Variants in KCNQ3 observed in about 807,000 individuals in gnomAD.
The protein encoded by KCNQ3 is potassium voltage-gated channel subfamily KQT member 3.
A neutral mutation model predicts 92.5 loss-of-function variants in KCNQ3; 30 were observed. The ratio of observed to expected loss-of-function variants is 0.32; its 90% CI spans 0.24 to 0.44. The LOEUF (loss-of-function observed/expected upper bound fraction) is 0.44. Ranked by LOEUF, KCNQ3 falls within the 20% of genes least tolerant of loss-of-function variation. The pLI, the probability that KCNQ3 is intolerant of heterozygous loss-of-function variation, is 1.00. For missense variants in KCNQ3, 913 were observed against 1,140.3 expected, an observed-to-expected ratio of 0.80 and a Z score of 2.87; for synonymous variants, 450 against 468.8, an observed-to-expected ratio of 0.96 and a Z score of 0.52.
At chr8:132,343,483 C>T (rs528674491) in intron 1 of KCNQ3, among the ~76,000 whole-genome samples, 30 of 152,246 alleles carry the variant, frequency 2.0e-4, no homozygotes, top group South Asian at 6.2e-4. Flanking sequence ...TTGAATTTGA[C>T]GTGTATACCC....
intron 4 of KCNQ3, among the ~76,000 whole-genome samples, chr8:132,179,722 C>T (rs566029083): frequency 7.9e-5 from 12 of 152,270 alleles, no homozygotes; most frequent in South Asian, 6.2e-4. Flanking sequence ...AAATTCCCAA[C>T]GTCACAGAGG....
At chr8:132,225,269 C>T (rs7015478) in intron 1 of KCNQ3, among the ~76,000 whole-genome samples, 3,288 of 152,230 alleles carry the variant, frequency 0.022, 54 homozygotes, top group Non-Finnish European at 0.031. Context: ...AGTTCCTGCT[C>T]AAAGGTAGAG....
At chr8:132,312,141 C>T (rs1817611947) in intron 1 of KCNQ3, among the ~76,000 whole-genome samples, 1 of 152,150 alleles carries the variant, frequency 6.6e-6, no homozygotes, top group Non-Finnish European at 1.5e-5. Context: ...TCTGCTGACA[C>T]TTTGATTTCA....
rs1001726465 is a variant in KCNQ3, at chr8:132,175,362, C to T, written c.933+91G>A. 4 of 1,426,616 alleles carry T rather than the reference C, an allele frequency of 2.8e-6. No individual in the cohort carries two copies. In the African/African-American group the frequency reaches 5.6e-5, roughly 20 times the overall value. 88.4% of individuals were successfully genotyped at this position (1,426,616 alleles called of 1,614,324 possible). A position where few individuals can be genotyped will look rare whatever the true frequency, so the allele number is the denominator to read the frequency against. On this transcript the variant is annotated intron_variant, in intron 5 of 14. Transcript: ENST00000388996. ...TACCTCTGACTGCAGAATGCAGCTG[C>T]CTGGCTGAACATGCTCATGTGATGC... is the stretch of plus-strand genomic sequence containing the variant.
chr8:132,329,245 G>A (rs373660688), intron 1 of KCNQ3, among the ~76,000 whole-genome samples: 4 of 152,128 alleles, frequency 2.6e-5, no homozygotes, highest in East Asian at 3.9e-4. Flanking sequence ...AAAATGGCAC[G>A]CCTTCCTCCT....
rs201689753 is a variant in KCNQ3, at chr8:132,434,228, T to A, written c.386+45919A>T. ...GTCTCAAAAAAAAAAAAAAAAAAAA[T>A]AATAATAATAATAAACAAATATTTC... On this transcript the variant is annotated intron_variant, in intron 1 of 14. Coordinates refer to ENST00000388996, the MANE Select transcript of KCNQ3 (RefSeq NM_004519.4). 1.2e-3 allele frequency among the ~76,000 whole-genome samples: 177 copies of A among 144,208 alleles called. 2 individuals carry two copies. The East Asian group carries it at 0.018, about 14-fold the overall frequency. The allele number at this position is 144,208 out of a possible 152,430, so 94.6% of individuals were successfully genotyped here.
At chr8:132,220,065 T>C (rs916982621) in intron 1 of KCNQ3, among the ~76,000 whole-genome samples, 6 of 152,196 alleles carry the variant, frequency 3.9e-5, no homozygotes, top group Non-Finnish European at 8.8e-5. Flanking sequence ...ATTCTTTCTA[T>C]TTTTTCATCT....
At chr8:132,480,044 C>T in intron 1 of KCNQ3, 103 bp downstream of exon 1, 1 of 1,146,850 alleles carries the variant, frequency 8.7e-7, no homozygotes, top group Non-Finnish European at 1.2e-6. Context: ...AGCGGGAAAG[C>T]ATCCATGGGT....
chr8:132,322,898 C>T (rs1817932348), intron 1 of KCNQ3, among the ~76,000 whole-genome samples: 1 of 152,174 alleles, frequency 6.6e-6, no homozygotes, highest in Non-Finnish European at 1.5e-5. Context: ...ATTACATTTC[C>T]CCATGCAGCC....
intron 1 of KCNQ3, among the ~76,000 whole-genome samples, chr8:132,251,262 GA>G: frequency 6.6e-6 from 1 of 151,566 alleles, no homozygotes; most frequent in African/African-American, 2.4e-5. Flanking sequence ...GTGAGACTCT[GA>G]AGAAAAAAAA....
chr8:132,414,714 G>C (rs1012580812), intron 1 of KCNQ3, among the ~76,000 whole-genome samples: 1 of 152,188 alleles, frequency 6.6e-6, no homozygotes, highest in Non-Finnish European at 1.5e-5. Context: ...CCTTTTAGGA[G>C]AAACAAAAGC....
chr8:132,274,662 C>T (rs1000892385), intron 1 of KCNQ3, among the ~76,000 whole-genome samples: 1 of 152,134 alleles, frequency 6.6e-6, no homozygotes, highest in Non-Finnish European at 1.5e-5. Flanking sequence ...GTGACACATG[C>T]CAGGCTAGGG....
At chr8:132,171,494 C>T (rs1006359732) in intron 7 of KCNQ3, among the ~76,000 whole-genome samples, 2 of 152,178 alleles carry the variant, frequency 1.3e-5, no homozygotes, top group African/African-American at 4.8e-5. Context: ...AACACTTCTG[C>T]CTCTCTCATC....
chr8:132,229,032 G>A (rs1814535687), intron 1 of KCNQ3, among the ~76,000 whole-genome samples: 1 of 152,148 alleles, frequency 6.6e-6, no homozygotes, highest in East Asian at 1.9e-4. Flanking sequence ...AAGGCAGATG[G>A]ATCACGAGGT....
At chr8:132,256,021 TTGTC>T (rs1367933164) in intron 1 of KCNQ3, among the ~76,000 whole-genome samples, 1 of 151,770 alleles carries the variant, frequency 6.6e-6, no homozygotes, top group Non-Finnish European at 1.5e-5. Context: ...TCAAAAAAAA[TTGTC>T]TGTGAGGAAG....
At chr8:132,432,707 C>A (rs753485213) in intron 1 of KCNQ3, among the ~76,000 whole-genome samples, 1 of 152,190 alleles carries the variant, frequency 6.6e-6, no homozygotes, top group African/African-American at 2.4e-5. Context: ...CTTCTTCCCC[C>A]TCACATCCTA....
intron 1 of KCNQ3, among the ~76,000 whole-genome samples, chr8:132,289,148 G>T (rs1333470497): frequency 6.6e-6 from 1 of 152,102 alleles, no homozygotes; most frequent in Admixed American, 6.6e-5. Context: ...AAGGTTATGT[G>T]GAAAGTACAT....
chr8:132,218,277 T>C (rs1355265312), intron 1 of KCNQ3, among the ~76,000 whole-genome samples: 1 of 152,124 alleles, frequency 6.6e-6, no homozygotes, highest in Non-Finnish European at 1.5e-5. Flanking sequence ...CTAGCACAGG[T>C]GTAGCCCACA....
chr8:132,378,045 C>A (rs758401193), intron 1 of KCNQ3, among the ~76,000 whole-genome samples: 9 of 150,866 alleles, frequency 6.0e-5, no homozygotes, highest in Middle Eastern at 3.4e-3. Flanking sequence ...CACTTTTTTT[C>A]AAAAAAAAGT....
Sources: allele counts gnomAD v4.1 joint callset (sites outside exome capture counted in the v4.1 genomes callset), GRCh38; gene constraint gnomAD v4.1.1; transcripts MANE v1.5; gene names NCBI Gene and HGNC (gene_info 2026-07-23, HGNC 2026-07-21).